CNBD1: variants seen among roughly 807,000 people sequenced by gnomAD.
CNBD1 encodes cyclic nucleotide-binding domain-containing protein 1.
A neutral mutation model predicts 54.4 loss-of-function variants in CNBD1; 71 were observed. The ratio of observed to expected loss-of-function variants is 1.30; its 90% CI spans 1.08 to 1.59. The LOEUF is 1.59. Ranked by LOEUF, CNBD1 falls within the 40% of genes most tolerant of loss-of-function variation. The probability of loss-of-function intolerance (pLI) is 0.00; values close to 1 mark genes in which losing one functional copy is unlikely to be tolerated. For synonymous variants in CNBD1, 182 were observed against 170.7 expected, an observed-to-expected ratio of 1.07 and a Z score of -0.51; for missense variants, 659 against 518.0, an observed-to-expected ratio of 1.27 and a Z score of -2.64.
intron 2 of CNBD1, among the ~76,000 whole-genome samples, chr8:86,902,486 A>G (rs1808953845): frequency 6.6e-6 from 1 of 152,098 alleles, no homozygotes. Context: ...TGCTCTTTTC[A>G]GCTTACCACA....
intron 2 of CNBD1, among the ~76,000 whole-genome samples, chr8:87,397,076 C>T (rs1383591483): frequency 1.3e-5 from 2 of 151,734 alleles, no homozygotes; most frequent in Non-Finnish European, 2.9e-5. Context: ...TATCTCTAGA[C>T]TCTTGATTAT....
intron 2 of CNBD1, among the ~76,000 whole-genome samples, chr8:87,392,535 A>T (rs1456807644): frequency 6.6e-6 from 1 of 152,022 alleles, no homozygotes; most frequent in Non-Finnish European, 1.5e-5. Context: ...CTTTTTGCTA[A>T]GTGAAAGAAG....
intron 10 of CNBD1, among the ~76,000 whole-genome samples, chr8:87,367,823 T>C (rs1285976352): frequency 6.6e-6 from 1 of 152,064 alleles, no homozygotes; most frequent in Non-Finnish European, 1.5e-5. Flanking sequence ...TTGTTACTCA[T>C]TGGGATGAGA....
At chr8:87,414,478 A>T (rs1356766537) in intron 2 of CNBD1, among the ~76,000 whole-genome samples, 1 of 151,986 alleles carries the variant, frequency 6.6e-6, no homozygotes, top group African/African-American at 2.4e-5. Context: ...CATATGTAAC[A>T]AACCTGCACA....
intron 4 of CNBD1, among the ~76,000 whole-genome samples, chr8:86,949,471 G>T (rs1391301312): frequency 6.6e-6 from 1 of 152,016 alleles, no homozygotes; most frequent in Non-Finnish European, 1.5e-5. Flanking sequence ...TCACATATTA[G>T]TTAATTCCTG....
intron 8 of CNBD1, among the ~76,000 whole-genome samples, chr8:87,302,572 G>T (rs573115748): frequency 5.9e-5 from 9 of 151,950 alleles, no homozygotes; most frequent in African/African-American, 2.2e-4. Context: ...TTGAAAACTG[G>T]CACAAGACAG....
At chr8:87,290,466 T>G (rs11995339) in intron 8 of CNBD1, among the ~76,000 whole-genome samples, 42,830 of 151,962 alleles carry the variant, frequency 0.28, 6,496 homozygotes, top group African/African-American at 0.39. Flanking sequence ...ACACATATTA[T>G]TTCACACAAT....
At chr8:87,355,864 G>C (rs1047547706) in intron 10 of CNBD1, among the ~76,000 whole-genome samples, 5 of 152,080 alleles carry the variant, frequency 3.3e-5, no homozygotes, top group African/African-American at 1.2e-4. Flanking sequence ...CAGCCTAATG[G>C]GAGGTTTTTG....
At chr8:86,944,731 T>TG (rs1210206935) in intron 4 of CNBD1, among the ~76,000 whole-genome samples, 1 of 152,218 alleles carries the variant, frequency 6.6e-6, no homozygotes, top group Non-Finnish European at 1.5e-5. Flanking sequence ...TAGGGTCTCA[T>TG]AGCCCATGAA....
chr8:87,272,708 A>C (rs1030906303), intron 6 of CNBD1, among the ~76,000 whole-genome samples: 1 of 151,990 alleles, frequency 6.6e-6, no homozygotes, highest in African/African-American at 2.4e-5. Context: ...CCATTAAGCC[A>C]AAGGGTTTTA....
intron 10 of CNBD1, among the ~76,000 whole-genome samples, chr8:87,355,323 T>A (rs1404950971): frequency 1.1e-4 from 16 of 152,206 alleles, no homozygotes; most frequent in African/African-American, 3.9e-4. Context: ...TTCTGGGACA[T>A]CTTCTGGCTT....
chr8:87,401,083 A>G (rs544510845), intron 2 of CNBD1, among the ~76,000 whole-genome samples: 2 of 152,164 alleles, frequency 1.3e-5, no homozygotes, highest in South Asian at 2.1e-4. Flanking sequence ...TTAGTGTACA[A>G]AAGCTTGCAG....
At chr8:86,954,828 A>G (rs879767440) in intron 4 of CNBD1, among the ~76,000 whole-genome samples, 7 of 152,094 alleles carry the variant, frequency 4.6e-5, no homozygotes, top group Admixed American at 4.6e-4. Context: ...AAGTTGAACA[A>G]TTTTCTTCTT....
intron 4 of CNBD1, among the ~76,000 whole-genome samples, chr8:87,171,106 T>G (rs192489321): frequency 6.6e-6 from 1 of 152,284 alleles, no homozygotes; most frequent in East Asian, 1.9e-4. Context: ...AGTGCTTCTT[T>G]AATTGTTTAG....
intron 6 of CNBD1, among the ~76,000 whole-genome samples, chr8:87,261,125 A>C (rs535564802): frequency 6.6e-6 from 1 of 152,126 alleles, no homozygotes; most frequent in African/African-American, 2.4e-5. Context: ...TTAATTCCCA[A>C]ATACAATTTG....
chr8:86,974,550 T>A (rs1308797898), intron 4 of CNBD1, among the ~76,000 whole-genome samples: 2 of 152,038 alleles, frequency 1.3e-5, no homozygotes, highest in African/African-American at 4.8e-5. Flanking sequence ...ATCCACACAA[T>A]AGAATGCTAT....
chr8:87,345,185 A>T (rs1021170316), intron 8 of CNBD1, among the ~76,000 whole-genome samples: 1 of 152,176 alleles, frequency 6.6e-6, no homozygotes, highest in Non-Finnish European at 1.5e-5. Context: ...ACAATATCTT[A>T]TTGAAATGAA....
At chr8:87,290,669 T>C (rs1808769267) in intron 8 of CNBD1, among the ~76,000 whole-genome samples, 1 of 152,184 alleles carries the variant, frequency 6.6e-6, no homozygotes, top group African/African-American at 2.4e-5. Flanking sequence ...TAACAAATAC[T>C]GCCAGGTTTT....
At chr8:87,391,754 G>T (rs1053664707) in intron 2 of CNBD1, among the ~76,000 whole-genome samples, 2 of 152,012 alleles carry the variant, frequency 1.3e-5, no homozygotes, top group African/African-American at 4.8e-5. Flanking sequence ...AGAAAATTTA[G>T]AAGTAAATCT....
Sources: gnomAD v4.1 joint callset for allele counts (sites outside exome capture counted in the v4.1 genomes callset) on GRCh38, gnomAD v4.1.1 for gene constraint, MANE v1.5 for transcripts, NCBI Gene and HGNC (gene_info 2026-07-23, HGNC 2026-07-21) for gene names.